CFAP299: variants seen among roughly 807,000 people sequenced by gnomAD.
CFAP299 encodes cilia- and flagella-associated protein 299.
A neutral mutation model predicts 27.0 loss-of-function variants in CFAP299; 21 were observed. The ratio of observed to expected loss-of-function variants is 0.78; its 90% CI spans 0.55 to 1.12. The LOEUF (loss-of-function observed/expected upper bound fraction) is 1.12, where lower values mean the gene tolerates loss of function less well. Ranked by LOEUF, CFAP299 falls within the 50% of genes most tolerant of loss-of-function variation. CFAP299 has a pLI of 0.00. For missense variants in CFAP299, 310 were observed against 276.6 expected (o/e 1.12, Z -0.86); for synonymous variants, 104 against 98.1 (o/e 1.06, Z -0.36).
chr4:80,735,738 T>A (rs932470105), intron 3 of CFAP299, among the ~76,000 whole-genome samples: 2 of 152,180 alleles, frequency 1.3e-5, no homozygotes, highest in Non-Finnish European at 2.9e-5. Flanking sequence ...TATATCAGAT[T>A]GATTGATTTG....
intron 2 of CFAP299, among the ~76,000 whole-genome samples, chr4:80,462,734 A>G (rs1251135638): frequency 6.6e-6 from 1 of 152,176 alleles, no homozygotes; most frequent in Non-Finnish European, 1.5e-5. Flanking sequence ...CGTGATCCAG[A>G]GATGGGTGAT....
At chr4:80,879,559 A>C (rs954928333) in intron 4 of CFAP299, among the ~76,000 whole-genome samples, 7 of 152,196 alleles carry the variant, frequency 4.6e-5, no homozygotes, top group Admixed American at 2.0e-4. Context: ...TTGGATCTAA[A>C]AATCTCATCT....
At chr4:80,734,803 T>G (rs1027963075) in intron 3 of CFAP299, among the ~76,000 whole-genome samples, 1 of 152,182 alleles carries the variant, frequency 6.6e-6, no homozygotes, top group Non-Finnish European at 1.5e-5. Context: ...CTGGGTTCTC[T>G]ATTCTGTCCA....
intron 2 of CFAP299, among the ~76,000 whole-genome samples, chr4:80,526,951 G>A (rs1010867740): frequency 2.6e-5 from 4 of 152,036 alleles, no homozygotes; most frequent in Non-Finnish European, 5.9e-5. Flanking sequence ...CTCTTTCTAG[G>A]GTGTAGTGAA....
chr4:80,687,316 G>GT (rs964525278), intron 3 of CFAP299, among the ~76,000 whole-genome samples: 16 of 151,648 alleles, frequency 1.1e-4, no homozygotes, highest in South Asian at 2.1e-4. Context: ...AACTCTTGAA[G>GT]TTTTTTTTTA....
chr4:80,611,771 G>T (rs1019752407), intron 3 of CFAP299, among the ~76,000 whole-genome samples: 2 of 151,978 alleles, frequency 1.3e-5, no homozygotes, highest in Admixed American at 1.3e-4. Flanking sequence ...GATGAAATGG[G>T]AGCTGGAAGA....
At chr4:80,464,698 T>C (rs555809260) in intron 2 of CFAP299, among the ~76,000 whole-genome samples, 29 of 152,284 alleles carry the variant, frequency 1.9e-4, no homozygotes, top group African/African-American at 7.0e-4. Flanking sequence ...GTGTTCAGCT[T>C]TCTGTGAGTT....
chr4:80,722,756 C>T (rs1031908208), intron 3 of CFAP299, among the ~76,000 whole-genome samples: 3 of 151,812 alleles, frequency 2.0e-5, no homozygotes, highest in African/African-American at 4.8e-5. Context: ...AAAAATTAGC[C>T]GGGCGAGGTA....
chr4:80,745,785 CAT>C (rs1166755582), intron 3 of CFAP299, among the ~76,000 whole-genome samples: 2 of 151,950 alleles, frequency 1.3e-5, no homozygotes, highest in Non-Finnish European at 2.9e-5. Context: ...TAAATTTAGT[CAT>C]CATGTTGCTT....
chr4:80,619,422 T>C (rs1295573028), intron 3 of CFAP299, among the ~76,000 whole-genome samples: 2 of 152,130 alleles, frequency 1.3e-5, no homozygotes, highest in African/African-American at 2.4e-5. Flanking sequence ...TGAATATACT[T>C]AGTGTTGAAG....
At chr4:80,720,938 C>A (rs993976871) in intron 3 of CFAP299, among the ~76,000 whole-genome samples, 9 of 151,988 alleles carry the variant, frequency 5.9e-5, no homozygotes, top group African/African-American at 2.2e-4. Flanking sequence ...ATGACCCAAA[C>A]TGAAATTCTA....
chr4:80,716,508 G>T (rs1189175214), intron 3 of CFAP299, among the ~76,000 whole-genome samples: 11 of 151,870 alleles, frequency 7.2e-5, no homozygotes, highest in Non-Finnish European at 1.6e-4. Flanking sequence ...CAATCAAATT[G>T]TGCCTTGCTT....
chr4:80,839,232 C>T (rs764660351), intron 3 of CFAP299, among the ~76,000 whole-genome samples: 2 of 152,078 alleles, frequency 1.3e-5, no homozygotes, highest in Non-Finnish European at 2.9e-5. Context: ...TATTTGTTAA[C>T]TGATGAGCAG....
chr4:80,931,684 G>T (rs907966831), intron 4 of CFAP299, among the ~76,000 whole-genome samples: 3 of 151,858 alleles, frequency 2.0e-5, no homozygotes, highest in Non-Finnish European at 4.4e-5. Flanking sequence ...CACCATCCTG[G>T]TTTAGCTAGC....
chr4:80,360,454 A>G (rs1006341520), intron 1 of CFAP299, among the ~76,000 whole-genome samples: 5 of 152,190 alleles, frequency 3.3e-5, no homozygotes, highest in Admixed American at 6.5e-5. Context: ...CAACACACCC[A>G]CACACGTCAG....
In CFAP299 at chr4:80,382,111, A is replaced by C. The variant is rs186688230; in HGVS notation, c.242+19227A>C. On this transcript the variant is annotated intron_variant, in intron 2 of 5. Transcript: ENST00000358105. ...GAGAAAAATAAGCTAGCCATAGGCA[A>C]AAGATTGAAACTGGACCCCTTCCTC... Among the ~76,000 whole-genome samples the C allele has an allele frequency of 1.2e-3, 188 of 152,300 alleles. 1 individual carries two copies. Among genetic ancestry groups the C allele is most frequent in the Non-Finnish European group, 2.4e-3 (162 of 68,002 alleles).
At chr4:80,623,651 G>C (rs1316204831) in intron 3 of CFAP299, among the ~76,000 whole-genome samples, 2 of 152,040 alleles carry the variant, frequency 1.3e-5, no homozygotes, top group Non-Finnish European at 2.9e-5. Flanking sequence ...CACCAAACCC[G>C]GGCAACACAA....
intron 3 of CFAP299, among the ~76,000 whole-genome samples, chr4:80,782,849 A>G (rs1306582764): frequency 2.6e-5 from 4 of 151,218 alleles, no homozygotes; most frequent in Non-Finnish European, 5.9e-5. Context: ...ATCTACATAT[A>G]TCAGTGTATC....
At chr4:80,953,735 T>C (rs1214101869) in intron 5 of CFAP299, among the ~76,000 whole-genome samples, 2 of 152,172 alleles carry the variant, frequency 1.3e-5, no homozygotes, top group East Asian at 1.9e-4. Context: ...AAGAAAAAAA[T>C]ACATATATAT....
Sources: allele counts gnomAD v4.1 joint callset (sites outside exome capture counted in the v4.1 genomes callset), GRCh38; gene constraint gnomAD v4.1.1; transcripts MANE v1.5; gene names NCBI Gene and HGNC (gene_info 2026-07-23, HGNC 2026-07-21).